GFM1: variants seen among roughly 807,000 people sequenced by gnomAD.
GFM1 encodes G elongation factor mitochondrial 1, also known as elongation factor G, mitochondrial.
In GFM1, 62 loss-of-function variants were observed where a neutral mutation model predicts 96.2. That is an observed-to-expected ratio of 0.64 (90% CI 0.53 to 0.80). The LOEUF is 0.80. Ranked by LOEUF, GFM1 falls within the 30% of genes least tolerant of loss-of-function variation. The pLI is 0.00. For synonymous variants in GFM1, 282 were observed against 312.9 expected, an observed-to-expected ratio of 0.90 and a Z score of 1.04; for missense variants, 852 against 916.6, an observed-to-expected ratio of 0.93 and a Z score of 0.91.
intron 10 of GFM1, among the ~76,000 whole-genome samples, chr3:158,661,947 A>T (rs1723234530): frequency 6.6e-6 from 1 of 152,220 alleles, no homozygotes; most frequent in African/African-American, 2.4e-5. Flanking sequence ...TGAGATCTAG[A>T]TAAAAGGAAT....
intron 8 of GFM1, 144 bp from the exon 9 acceptor site, chr3:158,658,778 G>A: frequency 1.2e-6 from 1 of 818,632 alleles, no homozygotes; most frequent in Admixed American, 2.1e-5. Flanking sequence ...GCTAGTATTA[G>A]TTTATGACAA....
At chr3:158,663,927 A>G (rs769729117) in intron 11 of GFM1, among the ~76,000 whole-genome samples, 2 of 152,200 alleles carry the variant, frequency 1.3e-5, no homozygotes, top group South Asian at 4.1e-4. Flanking sequence ...GGGGGCAGGC[A>G]TGATGTTTCT....
intron 13 of GFM1, 134 bp downstream of exon 13, chr3:158,666,520 A>G (rs1723697818): frequency 7.0e-6 from 8 of 1,150,848 alleles, no homozygotes; most frequent in East Asian, 2.4e-5. Flanking sequence ...ATAAAGTTCT[A>G]TACTGTAATC....
chr3:158,652,148 G>A lies in GFM1; in HGVS notation c.742G>A (p.Asp248Asn), dbSNP rs1450478913. The change falls in exon 6 of 18, where the codon GAC becomes AAC. Residue 248 changes from aspartate (D) to asparagine (N), a missense_variant. Asp to Asn is a conservative substitution (Grantham distance 23). Transcript: ENST00000486715. ...AGCTGAATTAAGGGCGGCGGCCACT[G>A]ACCACCGGCAGGAGCTAATTGAATG... ...IPAELRAAAT[D>N]HRQELIECVA... is the part of the protein sequence containing the mutation. 5 of 1,613,892 alleles carry A rather than the reference G, an allele frequency of 3.1e-6. No individual in the cohort carries two copies. The African/African-American group carries it at 5.3e-5, about 17-fold the overall frequency.
chr3:158,685,915 T>G (rs1055030643), intron 15 of GFM1, among the ~76,000 whole-genome samples: 2 of 152,096 alleles, frequency 1.3e-5, no homozygotes, highest in Non-Finnish European at 2.9e-5. Flanking sequence ...AGAAGTACAG[T>G]TAAAACAAAT....
intron 13 of GFM1, among the ~76,000 whole-genome samples, chr3:158,681,655 A>C (rs1280684629): frequency 6.6e-6 from 1 of 152,214 alleles, no homozygotes; most frequent in Non-Finnish European, 1.5e-5. Context: ...TAAGGAAAGA[A>C]CACTGTGTTC....
At chr3:158,686,379 A>G (rs1442496164) in intron 15 of GFM1, among the ~76,000 whole-genome samples, 2 of 137,808 alleles carry the variant, frequency 1.5e-5, no homozygotes, top group African/African-American at 5.7e-5. Flanking sequence ...GAAAAAATGT[A>G]TATGGCCATT....
intron 13 of GFM1, chr3:158,666,860 T>A: frequency 7.0e-7 from 1 of 1,426,778 alleles, no homozygotes; most frequent in Non-Finnish European, 9.5e-7. Context: ...GTACTTTTGT[T>A]AAATTGCTGC....
At chr3:158,645,851 A>G (rs1344748686) in intron 2 of GFM1, 70 bp downstream of exon 2, 3 of 1,332,980 alleles carry the variant, frequency 2.3e-6, no homozygotes, top group African/African-American at 2.9e-5. Flanking sequence ...ATTATTTAAT[A>G]AAGCTTATAA....
intron 12 of GFM1, among the ~76,000 whole-genome samples, chr3:158,665,889 C>T (rs1218592216): frequency 6.6e-6 from 1 of 152,116 alleles, no homozygotes; most frequent in Non-Finnish European, 1.5e-5. Context: ...GGGGCCTATA[C>T]CTTCCCAGGA....
Position 158,662,599 on chromosome 3 carries a change from C to G in GFM1, c.1324-29C>G, listed in dbSNP as rs766410307. 5.7e-6 allele frequency: 8 copies of G among 1,413,142 alleles called. No individual in the cohort carries two copies. In the Admixed American group the frequency reaches 1.3e-4, roughly 24 times the overall value. 87.5% of individuals were successfully genotyped at this position (1,413,142 alleles called of 1,614,324 possible). ...ACCCATATGGGTCTGTTTTTTAATT[C>G]TTCTGTTTTCTTTTAAAAAATATTT... is the stretch of plus-strand genomic sequence containing the variant. On this transcript the variant is annotated intron_variant, in intron 10 of 17. Coordinates refer to ENST00000486715, the MANE Select transcript of GFM1 (RefSeq NM_024996.7).
chr3:158,654,396 G>A, intron 7 of GFM1, 151 bp from the exon 8 acceptor site: 1 of 582,940 alleles, frequency 1.7e-6, no homozygotes, highest in East Asian at 3.0e-5. Flanking sequence ...TATTTCTATT[G>A]ATCTCTTTCA....
intron 13 of GFM1, among the ~76,000 whole-genome samples, chr3:158,680,832 T>C (rs996934603): frequency 2.6e-5 from 4 of 152,172 alleles, no homozygotes; most frequent in African/African-American, 9.7e-5. Flanking sequence ...TGAAACTGTG[T>C]GGAATTACTT....
chr3:158,665,197 G>A (rs939057635), intron 11 of GFM1, 140 bp from the exon 12 acceptor site: 1 of 659,736 alleles, frequency 1.5e-6, no homozygotes, highest in East Asian at 2.8e-5. Context: ...TTTAAAAATG[G>A]TGTGGAGTAG....
intron 8 of GFM1, among the ~76,000 whole-genome samples, chr3:158,658,623 A>G (rs115123609): frequency 6.6e-6 from 1 of 152,202 alleles, no homozygotes; most frequent in African/African-American, 2.4e-5. Flanking sequence ...AAATGTTAGA[A>G]GGCAAAAGAT....
intron 16 of GFM1, among the ~76,000 whole-genome samples, chr3:158,690,758 T>C (rs955154577): frequency 8.5e-5 from 13 of 152,356 alleles, no homozygotes; most frequent in African/African-American, 3.1e-4. Context: ...TAAGGCCTCC[T>C]GGAAAACACT....
chr3:158,683,682 T>G (rs980711270), intron 14 of GFM1, among the ~76,000 whole-genome samples: 1 of 152,192 alleles, frequency 6.6e-6, no homozygotes, highest in African/African-American at 2.4e-5. Context: ...TTAAGGAGTT[T>G]CTTAGTTTTG....
chr3:158,690,961 A>T (rs1726264495), intron 16 of GFM1, among the ~76,000 whole-genome samples, 178 bp from the exon 17 acceptor site: 1 of 152,280 alleles, frequency 6.6e-6, no homozygotes, highest in Non-Finnish European at 1.5e-5. Context: ...TAATTTTCAA[A>T]TAGGATTTCC....
At chr3:158,671,832 C>T (rs1300571379) in intron 13 of GFM1, among the ~76,000 whole-genome samples, 2 of 152,168 alleles carry the variant, frequency 1.3e-5, no homozygotes, top group Non-Finnish European at 2.9e-5. Context: ...GGCTAAAGGC[C>T]AGCGTCAGCC....
Sources: allele counts gnomAD v4.1 joint callset (sites outside exome capture counted in the v4.1 genomes callset), GRCh38; gene constraint gnomAD v4.1.1; transcripts MANE v1.5; gene names NCBI Gene and HGNC (gene_info 2026-07-23, HGNC 2026-07-21).